Variants in GRIN2B observed in about 807,000 individuals in gnomAD.
The protein encoded by GRIN2B is glutamate receptor ionotropic, NMDA 2B.
Under a neutral mutation model 114.5 loss-of-function variants are expected in GRIN2B, and 5 were observed. The ratio of observed to expected loss-of-function variants is 0.04; its 90% CI spans 0.02 to 0.09. The LOEUF is 0.09. GRIN2B is among the 10% of genes least tolerant of loss of function. GRIN2B has a pLI of 1.00. For synonymous variants in GRIN2B, 787 were observed against 745.1 expected (o/e 1.06, Z -0.92); for missense variants, 1,108 against 1,943.5 (o/e 0.57, Z 8.08).
At position 13,559,870 on chromosome 12, in the gene GRIN2B, G is replaced by A. The variant is rs1473403027; in HGVS notation, c.*2913C>T. 6.6e-6 allele frequency: 1 copy of A among 152,192 alleles called. No homozygotes were observed. Among genetic ancestry groups the A allele is most frequent in the Non-Finnish European group, 1.5e-5 (1 of 68,042 alleles). 9.4% of individuals were successfully genotyped at this position (152,192 alleles called of 1,614,324 possible). A position where few individuals can be genotyped will look rare whatever the true frequency, so the allele number is the denominator to read the frequency against. Reference sequence around the variant, plus strand: ...TTTCAGCATCAGAGGAGGCCGCTGGGAGATTTCTCAGGATTGAGCTTCCTG... The same window carrying A: ...TTTCAGCATCAGAGGAGGCCGCTGGAAGATTTCTCAGGATTGAGCTTCCTG... On this transcript the variant is annotated 3_prime_UTR_variant, in exon 14 of 14. Coordinates refer to ENST00000609686, the MANE Select transcript of GRIN2B (RefSeq NM_000834.5).
Position 13,564,465 on chromosome 12 carries a change from T to G in GRIN2B, c.2773A>C (p.Ile925Leu). The change falls in exon 14 of 14, where the codon ATC becomes CTC. Residue 925 changes from isoleucine (I) to leucine (L), a missense_variant. Around this residue, in one of 19 missense-constraint regions of GRIN2B, gnomAD observed 140 missense variants for 187.5 expected, o/e 0.75. Transcript: ENST00000609686. This position sits in a 1 kb window ranked among gnomAD's most constrained non-coding sequence, Gnocchi z 4.8. The part of the protein sequence containing the change: ...NGSPQSALDF[I>L]RRESSVYDIS... ...TCATAGACGGATGACTCCCGTCGGA[T>G]GAAGTCCAGGGCGCTCTGCGGTGAG... 1 of 1,614,228 alleles carries G rather than the reference T, an allele frequency of 6.2e-7. No individual in the cohort carries two copies. Among genetic ancestry groups the G allele is most frequent in the South Asian group, 1.1e-5 (1 of 91,082 alleles).
intron 2 of GRIN2B, among the ~76,000 whole-genome samples, chr12:13,917,018 C>T (rs1866744341): frequency 6.6e-6 from 1 of 152,060 alleles, no homozygotes; most frequent in East Asian, 1.9e-4. Context: ...AGGAAAGGAA[C>T]ACGGGAAGAA....
intron 3 of GRIN2B, among the ~76,000 whole-genome samples, chr12:13,762,885 T>G (rs1591717428): frequency 6.6e-6 from 1 of 152,184 alleles, no homozygotes. Flanking sequence ...GTTTTTTTTT[T>G]GTTTGGTTTT....
intron 3 of GRIN2B, among the ~76,000 whole-genome samples, chr12:13,755,224 G>C (rs559346927): frequency 6.6e-6 from 1 of 152,260 alleles, no homozygotes; most frequent in South Asian, 2.1e-4. Flanking sequence ...CTTAGTTCAG[G>C]AACATATTGT....
chr12:13,855,062 A>AAAAAAAAAAAAAAAAAC (rs1865636951), intron 3 of GRIN2B, among the ~76,000 whole-genome samples: 1 of 150,706 alleles, frequency 6.6e-6, no homozygotes, highest in Non-Finnish European at 1.5e-5. Context: ...AAAAAAAAAA[A>AAAAAAAAAAAAAAAAAC]AAAAAAATTG....
In GRIN2B at chr12:13,882,800, CT is replaced by C. The variant is rs1866090793; in HGVS notation, c.-18-16575del. ...CAATTTGCATACATTAAAATTCACG[CT>C]TTTAAGTTTACAGTTCTATAGGTTT... On this transcript the variant is annotated intron_variant, in intron 2 of 13. Transcript: ENST00000609686. Among the ~76,000 whole-genome samples, 3 of 152,268 alleles carry C rather than the reference CT, an allele frequency of 2.0e-5. No homozygotes were observed. In the South Asian group the frequency reaches 6.2e-4, roughly 32 times the overall value.
chr12:13,563,283 G>T lies in GRIN2B; in HGVS notation c.3955C>A (p.Pro1319Thr). 3.1e-6 allele frequency: 5 copies of T among 1,614,218 alleles called. No homozygotes were observed. The highest frequency in any genetic ancestry group is 1.7e-5 in the Admixed American group (1 of 60,032). Residue 1319 changes from proline (P) to threonine (T), a missense_variant, in exon 14 of 14, where the codon CCG becomes ACG. This residue lies in a region of GRIN2B where 478 missense variants were observed against 506.0 expected (regional missense o/e 0.94). Transcript: ENST00000609686. ...TTGTCTTTCAGGCTTACGCTGCGCG[G>T]GGCCAGGGCGGCTTCTTCCTTCTGC... ...DLQKEEAALA[P>T]RSVSLKDKGR...
At chr12:13,822,407 A>T (rs1269149551) in intron 3 of GRIN2B, among the ~76,000 whole-genome samples, 1 of 152,184 alleles carries the variant, frequency 6.6e-6, no homozygotes, top group African/African-American at 2.4e-5. Context: ...TACAAAATGT[A>T]GTTGTGAGGG....
At chr12:13,713,510 T>C (rs1035467883) in intron 4 of GRIN2B, among the ~76,000 whole-genome samples, 2 of 151,864 alleles carry the variant, frequency 1.3e-5, no homozygotes, top group African/African-American at 4.8e-5. Flanking sequence ...TCAGTACCTA[T>C]ATTCATCCCA....
intron 5 of GRIN2B, among the ~76,000 whole-genome samples, chr12:13,658,892 T>C (rs948579046): frequency 1.3e-5 from 2 of 151,834 alleles, no homozygotes; most frequent in Non-Finnish European, 2.9e-5. Flanking sequence ...TGTCAGGCTG[T>C]CCTGGCTCTA....
Position 13,563,707 on chromosome 12 carries a change from A to G in GRIN2B, c.3531T>C (p.Ser1177=). The change falls in exon 14 of 14, where the codon TCT becomes TCC. Residue 1177 remains serine, a synonymous_variant. Coordinates refer to ENST00000609686, the MANE Select transcript of GRIN2B (RefSeq NM_000834.5). ...VSGGGPCTNR[S]HIKHGTGDKH... Reference sequence around the variant, plus strand: ...TGTCGCCCGTCCCGTGCTTGATGTGAGACCTGTTGGTACAGGGCCCTCCTC... The same window carrying G: ...TGTCGCCCGTCCCGTGCTTGATGTGGGACCTGTTGGTACAGGGCCCTCCTC... The G allele has an allele frequency of 6.2e-7, 1 of 1,613,550 alleles. No homozygotes were observed. The highest frequency in any genetic ancestry group is 8.5e-7 in the Non-Finnish European group (1 of 1,179,956).
chr12:13,857,396 C>G (rs1292982020), intron 3 of GRIN2B, among the ~76,000 whole-genome samples: 3 of 152,018 alleles, frequency 2.0e-5, no homozygotes, highest in Non-Finnish European at 2.9e-5. Context: ...CACACACACA[C>G]ACACTCTCAC....
intron 4 of GRIN2B, among the ~76,000 whole-genome samples, chr12:13,677,750 C>A (rs1950088934): frequency 6.6e-6 from 1 of 152,020 alleles, no homozygotes; most frequent in Admixed American, 6.6e-5. Context: ...GAAACCTCCT[C>A]CCCTGCAACC....
At chr12:13,741,310 G>A (rs1198459990) in intron 4 of GRIN2B, among the ~76,000 whole-genome samples, 3 of 152,196 alleles carry the variant, frequency 2.0e-5, no homozygotes, top group Non-Finnish European at 2.9e-5. Flanking sequence ...GATTACAGGC[G>A]TGAGCCACCG....
At chr12:13,598,429 G>A (rs545689169) in intron 10 of GRIN2B, among the ~76,000 whole-genome samples, 207 of 152,212 alleles carry the variant, frequency 1.4e-3, no homozygotes, top group African/African-American at 4.8e-3. Context: ...GGGGAGTATG[G>A]CCCACCAGCC....
chr12:13,886,579 C>A (rs1402901614), intron 2 of GRIN2B, among the ~76,000 whole-genome samples: 1 of 152,136 alleles, frequency 6.6e-6, no homozygotes, highest in East Asian at 1.9e-4. Flanking sequence ...ACAGAAATGG[C>A]ACCATCTGAG....
chr12:13,906,931 A>T (rs1866545869), intron 2 of GRIN2B, among the ~76,000 whole-genome samples: 1 of 152,260 alleles, frequency 6.6e-6, no homozygotes, highest in South Asian at 2.1e-4. Flanking sequence ...ATTTATCTCT[A>T]TGAAGATACA....
At chr12:13,850,606 C>T (rs1157553765) in intron 3 of GRIN2B, among the ~76,000 whole-genome samples, 1 of 152,142 alleles carries the variant, frequency 6.6e-6, no homozygotes, top group Non-Finnish European at 1.5e-5. Context: ...TTGTCTCTCC[C>T]TTGGCTATTC....
chr12:13,603,386 A>G (rs565292586), intron 10 of GRIN2B, among the ~76,000 whole-genome samples: 124 of 152,302 alleles, frequency 8.1e-4, no homozygotes, highest in Non-Finnish European at 1.6e-3. Flanking sequence ...ATCAAATAGC[A>G]TCAGGGTCTA....
Sources: gnomAD v4.1 joint callset for allele counts (sites outside exome capture counted in the v4.1 genomes callset) on GRCh38, gnomAD v4.1.1 for gene constraint, gnomAD v4.1.1 regional missense constraint, Gnocchi (gnomAD v3.1) non-coding constraint, MANE v1.5 for transcripts, NCBI Gene and HGNC (gene_info 2026-07-23, HGNC 2026-07-21) for gene names.